The following NREP variants were observed in gnomAD, a reference collection of about 807,000 sequenced individuals.
NREP encodes neuronal regeneration related protein.
NREP carries 5 observed loss-of-function variants against 8.6 expected under a neutral mutation model. The ratio of observed to expected loss-of-function variants is 0.58; its 90% CI spans 0.30 to 1.22. The LOEUF (loss-of-function observed/expected upper bound fraction) is 1.22. Among genes scored for constraint, NREP ranks in the 50% most tolerant of loss-of-function variants. NREP has a pLI of 0.07. For synonymous variants in NREP, 27 were observed against 28.0 expected (o/e 0.96, Z 0.11); for missense variants, 86 against 82.5 (o/e 1.04, Z -0.17).
chr5:111,768,133 A>C (rs745663257), intron 2 of NREP, among the ~76,000 whole-genome samples: 5 of 131,072 alleles, frequency 3.8e-5, no homozygotes, highest in Admixed American at 8.5e-5. Flanking sequence ...TGGCATTAAC[A>C]ACAGTTTAAA....
At chr5:111,735,971 G>A (rs1749074069) in intron 2 of NREP, among the ~76,000 whole-genome samples, 1 of 152,156 alleles carries the variant, frequency 6.6e-6, no homozygotes, top group Admixed American at 6.6e-5. Flanking sequence ...CCAAGTCCAT[G>A]TGGCCAGTGA....
At chr5:111,809,513 G>A (rs573812188) in intron 2 of NREP, among the ~76,000 whole-genome samples, 1 of 152,294 alleles carries the variant, frequency 6.6e-6, no homozygotes, top group Admixed American at 6.5e-5. Flanking sequence ...TAGTGAGAGA[G>A]TTCTCTCTCA....
intron 2 of NREP, among the ~76,000 whole-genome samples, chr5:111,873,922 T>C (rs1212392132): frequency 6.6e-6 from 1 of 152,148 alleles, no homozygotes; most frequent in African/African-American, 2.4e-5. Context: ...CCATTCCCTC[T>C]GAATTTCTTT....
At chr5:111,756,880 A>G (rs991521369) in intron 1 of NREP, among the ~76,000 whole-genome samples, 1 of 152,060 alleles carries the variant, frequency 6.6e-6, no homozygotes, top group Admixed American at 6.6e-5. Context: ...ACAAAACCCC[A>G]CCCCTTCCCA....
intron 2 of NREP, among the ~76,000 whole-genome samples, chr5:111,891,970 C>A (rs551749384): frequency 1.2e-4 from 18 of 151,862 alleles, no homozygotes; most frequent in Non-Finnish European, 7.4e-5. Flanking sequence ...CAGTAAGGAG[C>A]CAGAAGAAAC....
At chr5:111,829,907 C>A (rs190015713) in intron 2 of NREP, among the ~76,000 whole-genome samples, 53 of 152,244 alleles carry the variant, frequency 3.5e-4, no homozygotes, top group Non-Finnish European at 5.4e-4. Flanking sequence ...ACTACTATAC[C>A]AGCTCTTACA....
intron 2 of NREP, among the ~76,000 whole-genome samples, chr5:111,768,532 G>C (rs1272317437): frequency 6.6e-6 from 1 of 152,232 alleles, no homozygotes; most frequent in East Asian, 1.9e-4. Flanking sequence ...GCCCCCTCTA[G>C]TAGTCCCTAG....
intron 2 of NREP, among the ~76,000 whole-genome samples, chr5:111,940,583 C>T (rs975146335): frequency 1.3e-5 from 2 of 152,056 alleles, no homozygotes; most frequent in Admixed American, 1.3e-4. Flanking sequence ...ACACACCACT[C>T]ATCACCCAAC....
chr5:111,806,844 G>C (rs920489000), intron 2 of NREP, among the ~76,000 whole-genome samples: 1 of 152,114 alleles, frequency 6.6e-6, no homozygotes, highest in East Asian at 1.9e-4. Context: ...GTATGTGAGA[G>C]GGGTAGGTGA....
At chr5:111,876,549 ATTCTTGAAC>A (rs571917010) in intron 2 of NREP, among the ~76,000 whole-genome samples, 144 of 152,304 alleles carry the variant, frequency 9.5e-4, no homozygotes, top group African/African-American at 3.4e-3. Context: ...AGGATTCTGA[ATTCTTGAAC>A]TGTGTGTACT....
chr5:111,901,563 C>T (rs1254219156), intron 2 of NREP, among the ~76,000 whole-genome samples: 2 of 151,992 alleles, frequency 1.3e-5, no homozygotes, highest in Admixed American at 1.3e-4. Context: ...TATAGAAAAA[C>T]CTGAAGATTC....
chr5:111,765,732 C>T (rs1751066333), intron 2 of NREP, among the ~76,000 whole-genome samples: 1 of 152,192 alleles, frequency 6.6e-6, no homozygotes, highest in Non-Finnish European at 1.5e-5. Context: ...GGCTTCATCC[C>T]TTGGCATCTC....
chr5:111,756,535 TATA>T (rs1169727094), intron 1 of NREP, among the ~76,000 whole-genome samples: 5 of 152,214 alleles, frequency 3.3e-5, no homozygotes, highest in African/African-American at 1.2e-4. Context: ...AGAGTTTTCC[TATA>T]ATGTTATTAT....
At chr5:111,887,449 C>T (rs994516395) in intron 2 of NREP, among the ~76,000 whole-genome samples, 1 of 152,138 alleles carries the variant, frequency 6.6e-6, no homozygotes, top group Non-Finnish European at 1.5e-5. Flanking sequence ...ATTACAATAT[C>T]TCTATATGCT....
intron 1 of NREP, among the ~76,000 whole-genome samples, chr5:111,756,661 A>G (rs935242677): frequency 2.0e-5 from 3 of 152,190 alleles, no homozygotes; most frequent in Non-Finnish European, 4.4e-5. Flanking sequence ...ATGCAGAAAA[A>G]AGTGCTGCAA....
At chr5:111,887,124 A>G (rs950756406) in intron 2 of NREP, among the ~76,000 whole-genome samples, 2 of 152,012 alleles carry the variant, frequency 1.3e-5, no homozygotes, top group African/African-American at 4.8e-5. Context: ...AGGTTTCACT[A>G]TATTGCCTAG....
rs572795717 is a variant in NREP, at chr5:111,968,295, T to C, written c.135+6979A>G. ...TACTGGTATAAGAAAAGATAAGTTA[T>C]GAAAATTGGATTTACATTTTCCAGT... On this transcript the variant is annotated intron_variant, in intron 2 of 3. Coordinates refer to the NREP transcript ENST00000395634. Among the ~76,000 whole-genome samples, 13 of 152,290 alleles carry C rather than the reference T, an allele frequency of 8.5e-5. 1 individual carries two copies. Among genetic ancestry groups the C allele is most frequent in the African/African-American group, 3.1e-4 (13 of 41,578 alleles).
At chr5:111,887,558 T>C (rs560362277) in intron 2 of NREP, among the ~76,000 whole-genome samples, 1 of 152,168 alleles carries the variant, frequency 6.6e-6, no homozygotes, top group East Asian at 1.9e-4. Flanking sequence ...CCTTGCACAA[T>C]GCAGAGTAGC....
chr5:111,848,898 T>C (rs986800665), intron 2 of NREP, among the ~76,000 whole-genome samples: 1 of 152,166 alleles, frequency 6.6e-6, no homozygotes, highest in Non-Finnish European at 1.5e-5. Context: ...TGTTTTCATT[T>C]GCTTCAATAA....
Sources: gnomAD v4.1 joint callset for allele counts (sites outside exome capture counted in the v4.1 genomes callset) on GRCh38, gnomAD v4.1.1 for gene constraint, MANE v1.5 for transcripts, NCBI Gene and HGNC (gene_info 2026-07-23, HGNC 2026-07-21) for gene names.